Variants in OMA1 observed in about 807,000 individuals in gnomAD.
OMA1 encodes metalloendopeptidase OMA1, mitochondrial.
Under a neutral mutation model 30.9 loss-of-function variants are expected in OMA1, and 38 were observed. That is an observed-to-expected ratio of 1.23 (90% CI 0.95 to 1.61). OMA1 has a LOEUF of 1.61. Ranked by LOEUF, OMA1 falls within the 40% of genes most tolerant of loss-of-function variation. The probability of loss-of-function intolerance (pLI) is 0.00; values close to 1 mark genes in which losing one functional copy is unlikely to be tolerated. For synonymous variants in OMA1, 173 were observed against 121.9 expected (o/e 1.42, Z -2.76); for missense variants, 461 against 349.2 (o/e 1.32, Z -2.55).
intron 6 of OMA1, among the ~76,000 whole-genome samples, chr1:58,530,014 G>T (rs1020375023): frequency 1.3e-5 from 2 of 152,018 alleles, no homozygotes; most frequent in East Asian, 1.9e-4. Flanking sequence ...CCAAGTAGCT[G>T]AGACTACAGG....
At chr1:58,518,635 T>C (rs543783278) in intron 7 of OMA1, among the ~76,000 whole-genome samples, 1 of 72,806 alleles carries the variant, frequency 1.4e-5, no homozygotes, top group African/African-American at 7.1e-5. Flanking sequence ...TCTTTATCTA[T>C]AAACCCTGGA....
chr1:58,485,228 TAAAAAA>T (rs71043289), intron 8 of OMA1, among the ~76,000 whole-genome samples: 5 of 42,060 alleles, frequency 1.2e-4, no homozygotes, highest in African/African-American at 2.9e-4. Context: ...AGTCTACTAC[TAAAAAA>T]AAAAAAAAAA....
intron 8 of OMA1, among the ~76,000 whole-genome samples, chr1:58,502,041 C>T (rs1356583470): frequency 2.0e-5 from 3 of 152,050 alleles, no homozygotes; most frequent in African/African-American, 4.8e-5. Context: ...TACAACCTGG[C>T]ATATAACAGA....
At chr1:58,522,306 A>G (rs953952382) in intron 7 of OMA1, among the ~76,000 whole-genome samples, 3 of 152,170 alleles carry the variant, frequency 2.0e-5, no homozygotes, top group Admixed American at 6.5e-5. Flanking sequence ...CTGCACATGT[A>G]CCCTGGAACT....
intron 5 of OMA1, 87 bp downstream of exon 5, chr1:58,533,866 C>A: frequency 1.3e-6 from 1 of 770,596 alleles, no homozygotes; most frequent in South Asian, 1.5e-5. Context: ...TTTTAAAAAA[C>A]CTGAAAAAAA....
chr1:58,533,981 T>A lies in OMA1; in HGVS notation c.983A>T (p.Glu328Val), dbSNP rs1557457026. ...ATGCCCAAGTACTGCATGTGCTATT[T>A]CATGGCCCAGAAGGAAAGAAAGTTG... ...IHQLSFLLGH[E>V]IAHAVLGHAA... The change falls in exon 5 of 9, where the codon GAA becomes GTA. Residue 328 changes from glutamate to valine, a missense_variant. Coordinates refer to ENST00000371226, the MANE Select transcript of OMA1 (RefSeq NM_145243.5). 6.9e-6 allele frequency: 6 copies of A among 872,048 alleles called. No individual in the cohort carries two copies. Among genetic ancestry groups the A allele is most frequent in the Non-Finnish European group, 1.2e-5 (6 of 501,492 alleles). 54.0% of individuals were successfully genotyped at this position (872,048 alleles called of 1,614,324 possible). A position where few individuals can be genotyped will look rare whatever the true frequency, so the allele number is the denominator to read the frequency against.
chr1:58,498,736 G>A (rs936861480), intron 8 of OMA1, among the ~76,000 whole-genome samples: 1 of 152,076 alleles, frequency 6.6e-6, no homozygotes, highest in Non-Finnish European at 1.5e-5. Context: ...TCATTAATGA[G>A]TTAAATAAAA....
intron 1 of OMA1, among the ~76,000 whole-genome samples, chr1:58,543,456 T>C (rs1369975796): frequency 1.3e-5 from 2 of 152,136 alleles, no homozygotes; most frequent in Non-Finnish European, 2.9e-5. Context: ...TCTACCTCCT[T>C]CTTATCTCAT....
chr1:58,539,566 G>C (rs17117728), intron 1 of OMA1, among the ~76,000 whole-genome samples: 4,201 of 152,218 alleles, frequency 0.028, 96 homozygotes, highest in Non-Finnish European at 0.041. Flanking sequence ...TTTTTAGTTA[G>C]GGAAGAGCCA....
At chr1:58,490,830 C>T (rs1216832405) in intron 8 of OMA1, among the ~76,000 whole-genome samples, 5 of 90,218 alleles carry the variant, frequency 5.5e-5, no homozygotes, top group Admixed American at 1.8e-4. Context: ...TTTTTTGAGA[C>T]GGACTCTCGC....
At position 58,538,860 on chromosome 1, in the gene OMA1, A is replaced by G; in HGVS notation, c.435T>C (p.Ala145=). Residue 145 remains alanine, a synonymous_variant, in exon 2 of 9, where the codon GCT becomes GCC. Coordinates refer to ENST00000371226, the MANE Select transcript of OMA1 (RefSeq NM_145243.5). ...NFHTSPRFQA[A]PVPLLLMILK... Reference sequence around the variant, plus strand: ...GAATCATCAACAAGAGAGGAACCGGAGCAGCTTGAAACCGTGGAGAAGTAT... The same window carrying G: ...GAATCATCAACAAGAGAGGAACCGGGGCAGCTTGAAACCGTGGAGAAGTAT... The G allele has an allele frequency of 1.1e-6, 1 of 872,034 alleles. No homozygotes were observed. Among genetic ancestry groups the G allele is most frequent in the South Asian group, 1.3e-5 (1 of 76,348 alleles). The allele number at this position is 872,034 out of a possible 1,614,324, so 54.0% of individuals were successfully genotyped here.
At chr1:58,485,255 A>AAAAAAAAAAAAAAAAAAC (rs1278777616) in intron 8 of OMA1, among the ~76,000 whole-genome samples, 1 of 150,082 alleles carries the variant, frequency 6.7e-6, no homozygotes, top group Non-Finnish European at 1.5e-5. Context: ...AAAAAAAAAA[A>AAAAAAAAAAAAAAAAAAC]AGCTGGCCTG....
chr1:58,510,603 A>G (rs762688165), intron 7 of OMA1, among the ~76,000 whole-genome samples: 31 of 152,170 alleles, frequency 2.0e-4, no homozygotes, highest in Admixed American at 8.5e-4. Context: ...TCTTCAATAC[A>G]GCACTGGGAG....
Position 58,490,070 on chromosome 1 carries a change from C to A in OMA1, c.1366-8896G>T, listed in dbSNP as rs191828644. Among the ~76,000 whole-genome samples, 677 of 152,316 alleles carry A rather than the reference C, an allele frequency of 4.4e-3. 4 individuals are homozygous for A. Among genetic ancestry groups the A allele is most frequent in the African/African-American group, 0.016 (656 of 41,568 alleles). ...CCAAAGGAACACAGCTCGTCACCAGCAACAGAACAAAGCTGGACGCAGAAT... is the reference window on the plus strand; with the variant it reads ...CCAAAGGAACACAGCTCGTCACCAGAAACAGAACAAAGCTGGACGCAGAAT... On this transcript the variant is annotated intron_variant, in intron 8 of 8. Coordinates refer to ENST00000371226, the MANE Select transcript of OMA1 (RefSeq NM_145243.5).
At position 58,518,297 on chromosome 1, in the gene OMA1, A is replaced by G. The variant is rs866665814; in HGVS notation, c.1215+8964T>C. Reference sequence around the variant, plus strand: ...GGAGAGGAGAAGAGAAGAGAAGAGAAGAGAAGAGAAGAGAAGAGAAGAGAA... The same window carrying G: ...GGAGAGGAGAAGAGAAGAGAAGAGAGGAGAAGAGAAGAGAAGAGAAGAGAA... On this transcript the variant is annotated intron_variant, in intron 7 of 8. Transcript: ENST00000371226. 1.1e-3 allele frequency among the ~76,000 whole-genome samples: 65 copies of G among 58,252 alleles called. 1 individual carries two copies. The highest frequency in any genetic ancestry group is 2.0e-3 in the African/African-American group (21 of 10,650). The allele number at this position is 58,252 out of a possible 152,430, so 38.2% of individuals were successfully genotyped here.
At chr1:58,540,412 A>T (rs1646588132) in intron 1 of OMA1, among the ~76,000 whole-genome samples, 1 of 152,120 alleles carries the variant, frequency 6.6e-6, no homozygotes, top group South Asian at 2.1e-4. Flanking sequence ...AGAAATATCA[A>T]TCAGTGGAAA....
chr1:58,541,768 A>C (rs1030542360), intron 1 of OMA1, among the ~76,000 whole-genome samples: 1 of 152,056 alleles, frequency 6.6e-6, no homozygotes. Context: ...TTTATTCCTG[A>C]GATACTTGCT....
intron 7 of OMA1, 32 bp downstream of exon 7, chr1:58,527,229 C>T (rs771255590): frequency 5.8e-6 from 5 of 866,510 alleles, no homozygotes; most frequent in Non-Finnish European, 1.0e-5. Flanking sequence ...CTGGGAAGGG[C>T]ATTATGTATT....
At chr1:58,522,752 T>C (rs929880636) in intron 7 of OMA1, among the ~76,000 whole-genome samples, 15 of 152,218 alleles carry the variant, frequency 9.9e-5, no homozygotes, top group African/African-American at 3.6e-4. Flanking sequence ...TTATATACTG[T>C]ATTCTTACAA....
Sources: gnomAD v4.1 joint callset for allele counts (sites outside exome capture counted in the v4.1 genomes callset) on GRCh38, gnomAD v4.1.1 for gene constraint, MANE v1.5 for transcripts, NCBI Gene and HGNC (gene_info 2026-07-23, HGNC 2026-07-21) for gene names.